Variants in CSGALNACT1 observed in about 807,000 individuals in gnomAD.
CSGALNACT1 encodes the protein beta4GalNAcT-1.
Under a neutral mutation model 51.0 loss-of-function variants are expected in CSGALNACT1, and 52 were observed. The observed-to-expected ratio is 1.02, with a 90% CI of 0.82 to 1.29. CSGALNACT1 has a LOEUF of 1.29. Among genes scored for constraint, CSGALNACT1 ranks in the 50% most tolerant of loss-of-function variants. The probability of loss-of-function intolerance (pLI) is 0.00; values close to 1 mark genes in which losing one functional copy is unlikely to be tolerated. For synonymous variants in CSGALNACT1, 341 were observed against 254.4 expected (o/e 1.34, Z -3.24); for missense variants, 935 against 679.2 (o/e 1.38, Z -4.19).
intron 3 of CSGALNACT1, among the ~76,000 whole-genome samples, chr8:19,566,759 A>G (rs1020998555): frequency 6.6e-6 from 1 of 152,072 alleles, no homozygotes; most frequent in African/African-American, 2.4e-5. Flanking sequence ...AAAATTCTCA[A>G]CTCCTTCAGG....
At chr8:19,479,312 TGA>T (rs2070704161) in intron 4 of CSGALNACT1, among the ~76,000 whole-genome samples, 3 of 152,150 alleles carry the variant, frequency 2.0e-5, no homozygotes, top group African/African-American at 7.2e-5. Context: ...TGTCTTTGGA[TGA>T]GAGTCTGTGC....
chr8:19,695,394 A>C (rs1273582350), intron 1 of CSGALNACT1, among the ~76,000 whole-genome samples: 3 of 151,942 alleles, frequency 2.0e-5, no homozygotes, highest in Non-Finnish European at 4.4e-5. Flanking sequence ...TCTTATCTCT[A>C]CTCTGCCACT....
intron 6 of CSGALNACT1, among the ~76,000 whole-genome samples, chr8:19,430,404 GAA>G (rs1274458439): frequency 6.6e-6 from 1 of 152,112 alleles, no homozygotes; most frequent in African/African-American, 2.4e-5. Flanking sequence ...ATCAACTACA[GAA>G]AACAACTTTC....
chr8:19,620,763 T>C (rs2053717344), intron 1 of CSGALNACT1, among the ~76,000 whole-genome samples: 1 of 152,186 alleles, frequency 6.6e-6, no homozygotes, highest in Admixed American at 6.5e-5. Flanking sequence ...AATTAGCTTT[T>C]ATTTTTAAGA....
chr8:19,475,347 A>G (rs2069288832), intron 4 of CSGALNACT1, among the ~76,000 whole-genome samples: 1 of 152,162 alleles, frequency 6.6e-6, no homozygotes, highest in African/African-American at 2.4e-5. Flanking sequence ...TGCCACCACG[A>G]GGGTTTTGGG....
At chr8:19,507,594 A>G (rs1310228314) in intron 3 of CSGALNACT1, among the ~76,000 whole-genome samples, 1 of 148,430 alleles carries the variant, frequency 6.7e-6, no homozygotes. Context: ...TTTCTTGTCT[A>G]GGGACATTTT....
At position 19,752,073 on chromosome 8, in the gene CSGALNACT1, A is replaced by T. The variant is rs931991085; in HGVS notation, c.-297+5777T>A. Among the ~76,000 whole-genome samples the T allele has an allele frequency of 1.3e-3, 91 of 68,004 alleles. 1 individual carries two copies. The highest frequency in any genetic ancestry group is 5.1e-4 in the Non-Finnish European group (18 of 35,638). The allele number at this position is 68,004 out of a possible 152,430, so 44.6% of individuals were successfully genotyped here. ...ATATATAACAATATATTTTTATATG[A>T]TATGATGATGATGATAAATGATATA... On this transcript the variant is annotated intron_variant, in intron 1 of 1. Coordinates refer to the CSGALNACT1 transcript ENST00000517494.
chr8:19,508,416 G>T (rs559072453), intron 3 of CSGALNACT1, among the ~76,000 whole-genome samples: 2 of 152,224 alleles, frequency 1.3e-5, no homozygotes, highest in South Asian at 4.1e-4. Context: ...CTGTAATTTA[G>T]AACAACACAC....
intron 8 of CSGALNACT1, among the ~76,000 whole-genome samples, chr8:19,412,091 C>T (rs901037762): frequency 4.6e-5 from 7 of 152,202 alleles, no homozygotes; most frequent in African/African-American, 1.2e-4. Context: ...CCTCAGCCTC[C>T]TAAAGTGCTG....
At chr8:19,711,362 CAAAG>C (rs1448434129) in intron 1 of CSGALNACT1, among the ~76,000 whole-genome samples, 2 of 152,008 alleles carry the variant, frequency 1.3e-5, no homozygotes, top group African/African-American at 4.8e-5. Context: ...GAAAAAGAGA[CAAAG>C]GAAGAGAGTG....
At chr8:19,693,537 C>T (rs1288824145) in intron 1 of CSGALNACT1, among the ~76,000 whole-genome samples, 1 of 152,120 alleles carries the variant, frequency 6.6e-6, no homozygotes, top group Non-Finnish European at 1.5e-5. Flanking sequence ...ATGCAGCCTC[C>T]TCTCATGTCT....
intron 2 of CSGALNACT1, among the ~76,000 whole-genome samples, chr8:19,593,508 G>T (rs1055234080): frequency 2.6e-5 from 4 of 152,062 alleles, no homozygotes; most frequent in African/African-American, 9.7e-5. Flanking sequence ...GCTGCAGATG[G>T]CCCACGGACT....
At chr8:19,532,109 G>A (rs528191046) in intron 3 of CSGALNACT1, 5 of 152,104 alleles carry the variant, frequency 3.3e-5, no homozygotes, top group African/African-American at 1.2e-4. Flanking sequence ...TGGCTGGTAG[G>A]AGAGCACAGA....
At position 19,424,622 on chromosome 8, in the gene CSGALNACT1, T is replaced by C. The variant is rs543945481; in HGVS notation, c.954-4104A>G. Among the ~76,000 whole-genome samples, 11 of 152,328 alleles carry C rather than the reference T, an allele frequency of 7.2e-5. No individual in the cohort carries two copies. In the South Asian group the frequency reaches 2.3e-3, roughly 32 times the overall value. On this transcript the variant is annotated intron_variant, in intron 6 of 9. Coordinates refer to ENST00000454498, the Ensembl canonical transcript of CSGALNACT1. ...GGCTCTAGAACAGGATATGACAAGA[T>C]GAGGAGGAATTGGCTTCTTCAAGTA... is the stretch of plus-strand genomic sequence containing the variant.
chr8:19,460,439 G>GA (rs1159765530), intron 4 of CSGALNACT1, among the ~76,000 whole-genome samples: 3 of 152,202 alleles, frequency 2.0e-5, no homozygotes, highest in African/African-American at 7.2e-5. Context: ...CTAGGGTTCA[G>GA]AACTCTCTAT....
chr8:19,439,864 T>G (rs2061021615), exon 6 of CSGALNACT1: 1 of 1,614,174 alleles, frequency 6.2e-7, no homozygotes, highest in East Asian at 2.2e-5. Flanking sequence ...TTGACTTCAT[T>G]TATTTCTTCT....
rs28742998 is a variant in CSGALNACT1, at chr8:19,519,409, C to T, written c.-296-13279G>A. Among the ~76,000 whole-genome samples the T allele has an allele frequency of 6.0e-3, 916 of 152,196 alleles. 9 individuals carry two copies. The highest frequency in any genetic ancestry group is 0.021 in the African/African-American group (862 of 41,488). ...CAATGATCTGCTTCAATCAGCCTTA[C>T]GTTGCAAAAAGTAGACAGAGCTTTT... On this transcript the variant is annotated intron_variant, in intron 3 of 9. Transcript: ENST00000454498.
chr8:19,642,750 C>A (rs1374215911), intron 1 of CSGALNACT1, among the ~76,000 whole-genome samples: 1 of 150,854 alleles, frequency 6.6e-6, no homozygotes, highest in Non-Finnish European at 1.5e-5. Context: ...GCTTTCACCA[C>A]TGCACTCCGG....
intron 4 of CSGALNACT1, among the ~76,000 whole-genome samples, chr8:19,474,440 G>A (rs1032181443): frequency 6.6e-6 from 1 of 152,050 alleles, no homozygotes; most frequent in East Asian, 1.9e-4. Flanking sequence ...AAGTGGAATC[G>A]AAATAACATA....
Sources: gnomAD v4.1 joint callset for allele counts (sites outside exome capture counted in the v4.1 genomes callset) on GRCh38, gnomAD v4.1.1 for gene constraint, MANE v1.5 for transcripts, NCBI Gene and HGNC (gene_info 2026-07-23, HGNC 2026-07-21) for gene names.